DCAF12: variants seen among roughly 807,000 people sequenced by gnomAD.
The protein encoded by DCAF12 is DDB1 and CUL4 associated factor 12.
A neutral mutation model predicts 52.8 loss-of-function variants in DCAF12; 28 were observed. The ratio of observed to expected loss-of-function variants is 0.53; its 90% CI spans 0.39 to 0.73. The LOEUF (loss-of-function observed/expected upper bound fraction) is 0.73. Ranked by LOEUF, DCAF12 falls within the 30% of genes least tolerant of loss-of-function variation. The pLI, the probability that DCAF12 is intolerant of heterozygous loss-of-function variation, is 0.00. For missense variants in DCAF12, 425 were observed against 552.2 expected (o/e 0.77, Z 2.31); for synonymous variants, 196 against 215.5 (o/e 0.91, Z 0.79).
rs116413480 is a variant in DCAF12, at chr9:34,101,131, A to C, written c.602-2614T>G. Among the ~76,000 whole-genome samples, 446 of 149,986 alleles carry C rather than the reference A, an allele frequency of 3.0e-3. 2 individuals carry two copies. The highest frequency in any genetic ancestry group is 8.7e-3 in the African/African-American group (355 of 40,702). On this transcript the variant is annotated intron_variant, in intron 4 of 8. Transcript: ENST00000361264. ...CTGTCACCCAAGCTGGAGTGCAATA[A>C]CATGATTATGGCTCATTGTAGCCTC...
At position 34,107,257 on chromosome 9, in the gene DCAF12, T is replaced by C. The variant is rs887831636; in HGVS notation, c.540+102A>G. The stretch of plus-strand genomic sequence containing the variant: ...AATATACACTGTGCCCTATGGGGAG[T>C]CCAGTCCCCACTCTGGGCTGATGAG... On this transcript the variant is annotated intron_variant, in intron 3 of 8. Coordinates refer to ENST00000361264, the MANE Select transcript of DCAF12 (RefSeq NM_015397.4). 23 of 1,134,964 alleles carry C rather than the reference T, an allele frequency of 2.0e-5. No individual in the cohort carries two copies. The African/African-American group carries it at 3.5e-4, about 17-fold the overall frequency. The allele number at this position is 1,134,964 out of a possible 1,614,324, so 70.3% of individuals were successfully genotyped here. A position where few individuals can be genotyped will look rare whatever the true frequency, so the allele number is the denominator to read the frequency against.
intron 2 of DCAF12, among the ~76,000 whole-genome samples, chr9:34,119,282 A>T (rs144602632): frequency 3.7e-4 from 57 of 152,348 alleles, no homozygotes; most frequent in African/African-American, 1.3e-3. Context: ...TTATTGTACA[A>T]ACGATACTTT....
chr9:34,119,233 G>A (rs536563243), intron 2 of DCAF12, among the ~76,000 whole-genome samples: 2 of 152,204 alleles, frequency 1.3e-5, no homozygotes, highest in South Asian at 2.1e-4. Context: ...AAAACGCAAG[G>A]TTCATCTAGC....
intron 4 of DCAF12, 120 bp from the exon 5 acceptor site, chr9:34,098,637 GC>G (rs1828777714): frequency 9.2e-7 from 1 of 1,092,454 alleles, no homozygotes; most frequent in Non-Finnish European, 1.3e-6. Flanking sequence ...ATGTGCTGAA[GC>G]TTGGCCAGAT....
chr9:34,093,654 T>C (rs927568568), intron 6 of DCAF12: 9 of 533,600 alleles, frequency 1.7e-5, no homozygotes, highest in Admixed American at 6.4e-5. Context: ...ACCTAGATAC[T>C]GAAGGAGATA....
chr9:34,122,932 C>T (rs1339061451), intron 2 of DCAF12, among the ~76,000 whole-genome samples: 1 of 152,224 alleles, frequency 6.6e-6, no homozygotes, highest in Non-Finnish European at 1.5e-5. Flanking sequence ...TCTGGCTCCG[C>T]AGCCAATCTG....
intron 2 of DCAF12, among the ~76,000 whole-genome samples, chr9:34,119,985 C>T (rs1417025589): frequency 6.6e-6 from 1 of 151,796 alleles, no homozygotes; most frequent in Non-Finnish European, 1.5e-5. Context: ...GGATTACAGT[C>T]ATGAGCCACT....
At chr9:34,122,720 C>T (rs1241441065) in intron 2 of DCAF12, among the ~76,000 whole-genome samples, 1 of 152,122 alleles carries the variant, frequency 6.6e-6, no homozygotes, top group South Asian at 2.1e-4. Context: ...TCAGGTGATC[C>T]GCCCGCCTTG....
chr9:34,098,382 T>C lies in DCAF12; in HGVS notation c.737A>G (p.Glu246Gly), dbSNP rs1828772743. 1 of 1,614,256 alleles carries C rather than the reference T, an allele frequency of 6.2e-7. No individual in the cohort carries two copies. The highest frequency in any genetic ancestry group is 1.3e-5 in the African/African-American group (1 of 75,072). ...THKALKDIPK[E>G]DTNPDNCKVR... is the part of the protein sequence containing the mutation. Reference sequence around the variant, plus strand: ...CTTGCAGTTGTCAGGGTTTGTGTCTTCTTTGGGGATGTCCTTTAAGGCCTT... The same window carrying C: ...CTTGCAGTTGTCAGGGTTTGTGTCTCCTTTGGGGATGTCCTTTAAGGCCTT... The change falls in exon 5 of 9, where the codon GAA becomes GGA. Residue 246 changes from glutamate to glycine, a missense_variant. By Grantham distance (98) the Glu-to-Gly change is moderately conservative (BLOSUM62 -2). Coordinates refer to ENST00000361264, the MANE Select transcript of DCAF12 (RefSeq NM_015397.4).
intron 2 of DCAF12, among the ~76,000 whole-genome samples, chr9:34,108,624 T>C (rs989646836): frequency 3.3e-5 from 5 of 151,764 alleles, no homozygotes; most frequent in Admixed American, 6.6e-5. Flanking sequence ...AAAACCCTAC[T>C]AAACTTACAA....
chr9:34,120,203 CAAAAAAAAAAA>C (rs34481024), intron 2 of DCAF12, among the ~76,000 whole-genome samples: 4 of 26,198 alleles, frequency 1.5e-4, no homozygotes, highest in African/African-American at 1.9e-4. Context: ...AAGTCCGTCT[CAAAAAAAAAAA>C]AAAAAAAAAA....
intron 4 of DCAF12, among the ~76,000 whole-genome samples, chr9:34,104,463 T>C (rs1188980340): frequency 6.6e-6 from 1 of 152,122 alleles, no homozygotes; most frequent in Non-Finnish European, 1.5e-5. Context: ...TTGTATGCTG[T>C]GCTATAAAAT....
chr9:34,094,365 C>T (rs1327297532), intron 6 of DCAF12, among the ~76,000 whole-genome samples: 1 of 151,626 alleles, frequency 6.6e-6, no homozygotes, highest in East Asian at 2.0e-4. Flanking sequence ...GAGATCGTGC[C>T]ACTGCATTCT....
intron 5 of DCAF12, among the ~76,000 whole-genome samples, chr9:34,097,759 C>A (rs1828758089): frequency 6.6e-6 from 1 of 151,716 alleles, no homozygotes; most frequent in African/African-American, 2.4e-5. Flanking sequence ...ATGGTGAAAC[C>A]CCGTCTCTAC....
intron 8 of DCAF12, among the ~76,000 whole-genome samples, chr9:34,088,896 G>A (rs1328887442): frequency 6.6e-6 from 1 of 151,998 alleles, no homozygotes; most frequent in African/African-American, 2.4e-5. Context: ...AATCACTTGA[G>A]CCCAGGAGTT....
intron 7 of DCAF12, among the ~76,000 whole-genome samples, chr9:34,092,089 T>A (rs1227987559): frequency 6.6e-6 from 1 of 152,202 alleles, no homozygotes; most frequent in African/African-American, 2.4e-5. Flanking sequence ...ACAGAGAATA[T>A]GTTATAAAAG....
intron 6 of DCAF12, chr9:34,093,708 T>C (rs1828687460): frequency 2.6e-6 from 1 of 389,518 alleles, no homozygotes; most frequent in African/African-American, 2.0e-5. Context: ...CAGAAGTAGC[T>C]GGAAAGGCCA....
At chr9:34,092,490 A>G (rs1402030239) in intron 7 of DCAF12, among the ~76,000 whole-genome samples, 2 of 152,162 alleles carry the variant, frequency 1.3e-5, no homozygotes, top group Non-Finnish European at 1.5e-5. Flanking sequence ...GATCAAGGCC[A>G]TCCTGGCCAA....
intron 4 of DCAF12, among the ~76,000 whole-genome samples, chr9:34,104,606 A>G: frequency 6.6e-6 from 1 of 152,114 alleles, no homozygotes; most frequent in East Asian, 1.9e-4. Context: ...AAGTTTTATT[A>G]TGAAAATTTT....
Sources: allele counts gnomAD v4.1 joint callset (sites outside exome capture counted in the v4.1 genomes callset), GRCh38; gene constraint gnomAD v4.1.1; transcripts MANE v1.5; gene names NCBI Gene and HGNC (gene_info 2026-07-23, HGNC 2026-07-21).